Variants in XKR6 observed in about 807,000 individuals in gnomAD.
XKR6 encodes the protein XK-related protein 6.
XKR6 carries 22 observed loss-of-function variants against 56.7 expected under a neutral mutation model. The observed-to-expected ratio is 0.39, with a 90% CI of 0.28 to 0.55. The LOEUF is 0.55. Among genes scored for constraint, XKR6 ranks in the 20% least tolerant of loss-of-function variants. XKR6 has a pLI of 0.66. For missense variants in XKR6, 852 were observed against 889.0 expected, an observed-to-expected ratio of 0.96 and a Z score of 0.53; for synonymous variants, 524 against 387.8, an observed-to-expected ratio of 1.35 and a Z score of -4.13.
intron 1 of XKR6, among the ~76,000 whole-genome samples, chr8:11,043,904 A>C (rs148760336): frequency 1.6e-3 from 248 of 152,386 alleles, no homozygotes; most frequent in Non-Finnish European, 2.8e-3. Flanking sequence ...AAGGCCGTGC[A>C]GGCAATGGTG....
intron 1 of XKR6, among the ~76,000 whole-genome samples, chr8:10,972,135 G>C (rs889616859): frequency 6.6e-6 from 1 of 152,102 alleles, no homozygotes; most frequent in Non-Finnish European, 1.5e-5. Context: ...GACCCCGACT[G>C]CTTGGGGGTT....
intron 1 of XKR6, among the ~76,000 whole-genome samples, chr8:11,122,257 T>A (rs1224035023): frequency 1.3e-5 from 2 of 152,224 alleles, no homozygotes; most frequent in South Asian, 4.1e-4. Context: ...GGCTGCCTGG[T>A]AAAACGTCAC....
intron 2 of XKR6, among the ~76,000 whole-genome samples, chr8:10,921,461 C>G (rs532529483): frequency 6.6e-6 from 1 of 152,236 alleles, no homozygotes; most frequent in African/African-American, 2.4e-5. Context: ...CCACCTGGCC[C>G]TGGAAATGAT....
intron 1 of XKR6, among the ~76,000 whole-genome samples, chr8:11,133,276 C>T (rs1159937877): frequency 6.6e-6 from 1 of 152,106 alleles, no homozygotes; most frequent in Non-Finnish European, 1.5e-5. Flanking sequence ...TACAAAAATA[C>T]GGCGTCAGCT....
intron 1 of XKR6, among the ~76,000 whole-genome samples, chr8:11,010,129 G>A (rs1798466627): frequency 6.6e-6 from 1 of 152,160 alleles, no homozygotes; most frequent in Non-Finnish European, 1.5e-5. Flanking sequence ...AAAGGTGAAA[G>A]GAAGTAGTCA....
At chr8:10,965,685 C>A (rs1277268421) in intron 1 of XKR6, among the ~76,000 whole-genome samples, 1 of 152,204 alleles carries the variant, frequency 6.6e-6, no homozygotes, top group Non-Finnish European at 1.5e-5. Context: ...TCTCTCTTTC[C>A]GGCAGCTGCA....
At chr8:10,960,261 C>A (rs569832621) in intron 1 of XKR6, among the ~76,000 whole-genome samples, 1 of 151,480 alleles carries the variant, frequency 6.6e-6, no homozygotes, top group South Asian at 2.1e-4. Context: ...GCAGGTATAG[C>A]AGGTGGGTGC....
chr8:11,068,774 A>G (rs1427766876), intron 1 of XKR6, among the ~76,000 whole-genome samples: 1 of 152,122 alleles, frequency 6.6e-6, no homozygotes, highest in Admixed American at 6.5e-5. Flanking sequence ...TGACACCCAC[A>G]TGGGCTCCCA....
rs1195736130 is a variant in XKR6 at position 11,028,885 on chromosome 8, C to T, written c.765-104055G>A. On this transcript the variant is annotated intron_variant, in intron 1 of 2. Coordinates refer to ENST00000416569, the MANE Select transcript of XKR6 (RefSeq NM_173683.4). Reference sequence around the variant, plus strand: ...CAGTGGCTTGTCCAAGGTCACACTGCTGGCAGGTGGCAGGGTGGGATGTGA... The same window carrying T: ...CAGTGGCTTGTCCAAGGTCACACTGTTGGCAGGTGGCAGGGTGGGATGTGA... 4.6e-5 allele frequency among the ~76,000 whole-genome samples: 7 copies of T among 152,302 alleles called. 1 individual carries two copies. The highest frequency in any genetic ancestry group is 1.4e-4 in the African/African-American group (6 of 41,566).
intron 1 of XKR6, among the ~76,000 whole-genome samples, chr8:11,117,845 A>C (rs1484758353): frequency 2.0e-5 from 3 of 152,206 alleles, no homozygotes; most frequent in African/African-American, 7.2e-5. Flanking sequence ...CTGTGCAACA[A>C]TTACAGACAA....
intron 1 of XKR6, among the ~76,000 whole-genome samples, chr8:11,043,466 A>G (rs1219639714): frequency 6.6e-6 from 1 of 152,184 alleles, no homozygotes; most frequent in African/African-American, 2.4e-5. Context: ...GACTCTCTGG[A>G]AGTCCCTCCT....
chr8:11,044,775 C>T (rs367549556), intron 1 of XKR6, among the ~76,000 whole-genome samples: 1 of 151,922 alleles, frequency 6.6e-6, no homozygotes, highest in Non-Finnish European at 1.5e-5. Context: ...AATGCCACCA[C>T]TCTGGGCTCA....
At chr8:11,197,666 C>A (rs1018404501) in intron 1 of XKR6, among the ~76,000 whole-genome samples, 5 of 152,230 alleles carry the variant, frequency 3.3e-5, no homozygotes, top group African/African-American at 1.2e-4. Context: ...TAGTGCTCTG[C>A]AAAGCAGGTT....
intron 1 of XKR6, among the ~76,000 whole-genome samples, chr8:10,959,707 C>T (rs1407636344): frequency 6.6e-6 from 1 of 152,154 alleles, no homozygotes; most frequent in African/African-American, 2.4e-5. Flanking sequence ...CTGTGGGTTA[C>T]CCTTCAATAT....
chr8:11,075,023 C>T (rs1171268500), intron 1 of XKR6, among the ~76,000 whole-genome samples: 2 of 152,158 alleles, frequency 1.3e-5, no homozygotes, highest in Non-Finnish European at 2.9e-5. Flanking sequence ...CTCTGAATGG[C>T]CCACAGGACT....
intron 2 of XKR6, among the ~76,000 whole-genome samples, chr8:10,910,317 A>C (rs1049719988): frequency 6.6e-6 from 1 of 152,110 alleles, no homozygotes; most frequent in Non-Finnish European, 1.5e-5. Flanking sequence ...GGCTGTGCCT[A>C]ATAACTGAAG....
intron 1 of XKR6, chr8:11,128,836 T>C (rs1044323248): frequency 4.4e-6 from 2 of 456,740 alleles, no homozygotes; most frequent in African/African-American, 2.0e-5. Flanking sequence ...CTGATCACCT[T>C]ACCACCTCCA....
chr8:10,963,900 C>A (rs1164109447), intron 1 of XKR6, among the ~76,000 whole-genome samples: 1 of 152,192 alleles, frequency 6.6e-6, no homozygotes, highest in Non-Finnish European at 1.5e-5. Context: ...TGGGGTCAGT[C>A]CTGGATTCAA....
intron 2 of XKR6, among the ~76,000 whole-genome samples, chr8:10,911,184 T>C (rs866151266): frequency 7.4e-6 from 1 of 134,402 alleles, no homozygotes; most frequent in Non-Finnish European, 1.7e-5. Context: ...TATATACATA[T>C]AGAGAGAGGG....
Sources: allele counts gnomAD v4.1 joint callset (sites outside exome capture counted in the v4.1 genomes callset), GRCh38; gene constraint gnomAD v4.1.1; transcripts MANE v1.5; gene names NCBI Gene and HGNC (gene_info 2026-07-23, HGNC 2026-07-21).